Variants in DNAL1 observed in about 807,000 individuals in gnomAD.
DNAL1 encodes chromosome 14 open reading frame 168.
Under a neutral mutation model 29.4 loss-of-function variants are expected in DNAL1, and 17 were observed. That is an observed-to-expected ratio of 0.58 (90% CI 0.40 to 0.87). The LOEUF (loss-of-function observed/expected upper bound fraction) is 0.87, where lower values mean the gene tolerates loss of function less well. Among genes scored for constraint, DNAL1 ranks in the 40% least tolerant of loss-of-function variants. The pLI, the probability that DNAL1 is intolerant of heterozygous loss-of-function variation, is 0.00. For missense variants in DNAL1, 188 were observed against 214.1 expected (o/e 0.88, Z 0.76); for synonymous variants, 78 against 76.3 (o/e 1.02, Z -0.12).
At position 73,697,240 on chromosome 14, in the gene DNAL1, CAG is replaced by C. The variant is rs1281253348; in HGVS notation, c.*1302_*1303del. On this transcript the variant is annotated 3_prime_UTR_variant, in exon 8 of 8. Coordinates refer to ENST00000553645, the MANE Select transcript of DNAL1 (RefSeq NM_031427.4). ...CTGCCAAATTGTGCCTAAAGTCCCT[CAG>C]AGACTGTTGATTCTGGTTTCCCCAT... is the stretch of plus-strand genomic sequence containing the variant. The C allele has an allele frequency of 1.3e-5, 2 of 152,186 alleles. No homozygotes were observed. The highest frequency in any genetic ancestry group is 3.8e-4 in the East Asian group (2 of 5,200). The allele number at this position is 152,186 out of a possible 1,614,324, so 9.4% of individuals were successfully genotyped here. A position where few individuals can be genotyped will look rare whatever the true frequency, so the allele number is the denominator to read the frequency against.
At chr14:73,690,009 C>G (rs1279863501) in intron 7 of DNAL1, among the ~76,000 whole-genome samples, 2 of 144,378 alleles carry the variant, frequency 1.4e-5, no homozygotes, top group African/African-American at 5.2e-5. Context: ...GCACTCCAGC[C>G]TGGGCAAAAA....
chr14:73,675,876 CT>C (rs1264302424), intron 5 of DNAL1, among the ~76,000 whole-genome samples: 3 of 151,682 alleles, frequency 2.0e-5, no homozygotes, highest in African/African-American at 7.3e-5. Flanking sequence ...TTAGCCAGGC[CT>C]GGTGGCGCGT....
chr14:73,662,793 A>G lies in DNAL1; in HGVS notation c.208+751A>G, dbSNP rs527570791. 9.5e-5 allele frequency among the ~76,000 whole-genome samples: 14 copies of G among 147,806 alleles called. No individual in the cohort carries two copies. The East Asian group carries it at 1.8e-3, about 19-fold the overall frequency. ...TCCCTGTCTCTCAAGATCCTTAATC[A>G]TATCTGCAAAGTACTTTTTTTTTTT... On this transcript the variant is annotated intron_variant, in intron 4 of 7. Coordinates refer to ENST00000553645, the MANE Select transcript of DNAL1 (RefSeq NM_031427.4).
intron 1 of DNAL1, among the ~76,000 whole-genome samples, chr14:73,645,639 G>A (rs1890960920): frequency 6.6e-6 from 1 of 152,148 alleles, no homozygotes. Flanking sequence ...ATGATTGGGG[G>A]TTTCAGGAAT....
Position 73,658,836 on chromosome 14 carries a change from T to C in DNAL1, c.43-11T>C. 1 of 1,593,404 alleles carries C rather than the reference T, an allele frequency of 6.3e-7. No individual in the cohort carries two copies. Among genetic ancestry groups the C allele is most frequent in the South Asian group, 1.1e-5 (1 of 87,366 alleles). On this transcript the variant is annotated splice_polypyrimidine_tract_variant and intron_variant, in intron 2 of 7. Coordinates refer to ENST00000553645, the MANE Select transcript of DNAL1 (RefSeq NM_031427.4). ...CATGGGTTATTTCTTCCAAATGTATTTTTCTCATAGGAAGAGAAAACTGGC... is the reference window on the plus strand; with the variant it reads ...CATGGGTTATTTCTTCCAAATGTATCTTTCTCATAGGAAGAGAAAACTGGC...
At chr14:73,661,711 C>G (rs1225943192) in intron 3 of DNAL1, among the ~76,000 whole-genome samples, 1 of 152,100 alleles carries the variant, frequency 6.6e-6, no homozygotes, top group Non-Finnish European at 1.5e-5. Context: ...TGCCACTGCA[C>G]TCCAGCTTGG....
In DNAL1 at chr14:73,696,064, C is replaced by A; in HGVS notation, c.*122C>A. The A allele has an allele frequency of 1.1e-6, 1 of 882,280 alleles. No individual in the cohort carries two copies. Among genetic ancestry groups the A allele is most frequent in the Non-Finnish European group, 1.7e-6 (1 of 592,448 alleles). 54.7% of individuals were successfully genotyped at this position (882,280 alleles called of 1,614,324 possible). Reference sequence around the variant, plus strand: ...AAAAGTTTCTTAAGATAAAACAGATCACTCATTCTCATCTTTTTTTTTCCT... The same window carrying A: ...AAAAGTTTCTTAAGATAAAACAGATAACTCATTCTCATCTTTTTTTTTCCT... On this transcript the variant is annotated 3_prime_UTR_variant, in exon 8 of 8. Transcript: ENST00000553645.
intron 7 of DNAL1, among the ~76,000 whole-genome samples, chr14:73,693,965 A>T (rs540295995): frequency 6.6e-6 from 1 of 152,298 alleles, no homozygotes; most frequent in South Asian, 2.1e-4. Context: ...ACAAATGCTC[A>T]GGAGTGTACA....
intron 2 of DNAL1, among the ~76,000 whole-genome samples, chr14:73,655,346 CTT>C (rs780510214): frequency 1.1e-4 from 15 of 139,148 alleles, no homozygotes; most frequent in Non-Finnish European, 1.3e-4. Flanking sequence ...TTTTTCTTTT[CTT>C]TTTTTTTTTT....
intron 1 of DNAL1, among the ~76,000 whole-genome samples, chr14:73,645,890 A>G (rs946210583): frequency 2.0e-5 from 3 of 152,222 alleles, no homozygotes; most frequent in South Asian, 2.1e-4. Context: ...AGCCAGAGCT[A>G]TTGAGCAAAG....
intron 2 of DNAL1, among the ~76,000 whole-genome samples, chr14:73,656,479 G>A (rs905350120): frequency 6.7e-6 from 1 of 150,360 alleles, no homozygotes; most frequent in East Asian, 1.9e-4. Context: ...TGTCACCCAG[G>A]CTGGAGTGCA....
At chr14:73,645,089 A>G (rs749466201) in intron 1 of DNAL1, 47 bp downstream of exon 1, 5 of 1,598,698 alleles carry the variant, frequency 3.1e-6, no homozygotes, top group Non-Finnish European at 8.5e-7. Context: ...GAAGATTGGG[A>G]GTGGAAAAGG....
At chr14:73,654,731 C>T (rs570735237) in intron 1 of DNAL1, 116 bp from the exon 2 acceptor site, 441 of 961,662 alleles carry the variant, frequency 4.6e-4, no homozygotes, top group South Asian at 1.0e-3. Flanking sequence ...TGCACTCCAG[C>T]CTGGGTGACA....
rs1290750526 is a variant in DNAL1 at position 73,703,412 on chromosome 14, G to A, written c.*7470G>A. The A allele has an allele frequency of 1.3e-5, 2 of 152,320 alleles. No individual in the cohort carries two copies. Among genetic ancestry groups the A allele is most frequent in the East Asian group, 3.9e-4 (2 of 5,192 alleles). 9.4% of individuals were successfully genotyped at this position (152,320 alleles called of 1,614,324 possible). On this transcript the variant is annotated 3_prime_UTR_variant, in exon 8 of 8. Coordinates refer to ENST00000553645, the MANE Select transcript of DNAL1 (RefSeq NM_031427.4). ...CACGTATACATCCAGATGGCCTGAA[G>A]TAACTGAAGATCCACAAAAGAAGTA... is the stretch of plus-strand genomic sequence containing the variant.
At position 73,700,813 on chromosome 14, in the gene DNAL1, A is replaced by G. The variant is rs1401461716; in HGVS notation, c.*4871A>G. ...GTTTAATGTGTCTGTAAATCATGAA[A>G]TATAAAAGCAAGATTCAGTGTAGCA... On this transcript the variant is annotated 3_prime_UTR_variant, in exon 8 of 8. Coordinates refer to ENST00000553645, the MANE Select transcript of DNAL1 (RefSeq NM_031427.4). 5 of 152,224 alleles carry G rather than the reference A, an allele frequency of 3.3e-5. No homozygotes were observed. The highest frequency in any genetic ancestry group is 7.2e-5 in the African/African-American group (3 of 41,464). 9.4% of individuals were successfully genotyped at this position (152,224 alleles called of 1,614,324 possible).
intron 1 of DNAL1, among the ~76,000 whole-genome samples, chr14:73,649,195 C>T (rs1004093273): frequency 2.0e-5 from 3 of 151,618 alleles, no homozygotes; most frequent in African/African-American, 4.8e-5. Flanking sequence ...AGGCTGGTCT[C>T]GAACTCTTGA....
rs538049104 is a variant in DNAL1, at chr14:73,646,532, C to T, written c.3+1490C>T. Among the ~76,000 whole-genome samples, 12 of 152,188 alleles carry T rather than the reference C, an allele frequency of 7.9e-5. No homozygotes were observed. In the East Asian group the frequency reaches 9.7e-4, roughly 12 times the overall value. On this transcript the variant is annotated intron_variant, in intron 1 of 7. Transcript: ENST00000553645. ...ATCCCAGCACTTTGTGAGGCCGAGGCGGGCAGATCACCTGAGGTCAGGAGT... is the reference window on the plus strand; with the variant it reads ...ATCCCAGCACTTTGTGAGGCCGAGGTGGGCAGATCACCTGAGGTCAGGAGT...
chr14:73,673,458 A>G (rs1279194178), intron 5 of DNAL1, among the ~76,000 whole-genome samples: 1 of 152,212 alleles, frequency 6.6e-6, no homozygotes, highest in Non-Finnish European at 1.5e-5. Flanking sequence ...GTGTATTAAG[A>G]TGCTATCTGG....
chr14:73,701,905 G>C lies in DNAL1; in HGVS notation c.*5963G>C, dbSNP rs886050712. On this transcript the variant is annotated 3_prime_UTR_variant, in exon 8 of 8. Coordinates refer to ENST00000553645, the MANE Select transcript of DNAL1 (RefSeq NM_031427.4). Reference sequence around the variant, plus strand: ...ATGTTGAGTTTCTGAATGTTATTTTGTGATTTGTTTCAAAATGGTAATAAA... The same window carrying C: ...ATGTTGAGTTTCTGAATGTTATTTTCTGATTTGTTTCAAAATGGTAATAAA... The C allele has an allele frequency of 3.0e-4, 45 of 150,642 alleles. No individual in the cohort carries two copies. The highest frequency in any genetic ancestry group is 1.5e-4 in the Non-Finnish European group (10 of 67,858). The allele number at this position is 150,642 out of a possible 1,614,324, so 9.3% of individuals were successfully genotyped here.
Sources: allele counts gnomAD v4.1 joint callset (sites outside exome capture counted in the v4.1 genomes callset), GRCh38; gene constraint gnomAD v4.1.1; transcripts MANE v1.5; gene names NCBI Gene and HGNC (gene_info 2026-07-23, HGNC 2026-07-21).